WDFY4: variants seen among roughly 807,000 people sequenced by gnomAD.
The protein encoded by WDFY4 is WD repeat- and FYVE domain-containing protein 4.
A neutral mutation model predicts 351.9 loss-of-function variants in WDFY4; 169 were observed. The observed-to-expected ratio is 0.48, with a 90% CI of 0.42 to 0.55. The LOEUF (loss-of-function observed/expected upper bound fraction) is 0.55. Among genes scored for constraint, WDFY4 ranks in the 20% least tolerant of loss-of-function variants. The pLI is 0.00. For missense variants in WDFY4, 3,803 were observed against 3,935.6 expected (o/e 0.97, Z 0.90); for synonymous variants, 1,622 against 1,574.6 (o/e 1.03, Z -0.71).
At chr10:48,892,573 A>C (rs1156498505) in intron 44 of WDFY4, among the ~76,000 whole-genome samples, 1 of 152,232 alleles carries the variant, frequency 6.6e-6, no homozygotes, top group Middle Eastern at 3.2e-3. Flanking sequence ...GCATTCCTGG[A>C]GATGCAGTTC....
intron 47 of WDFY4, among the ~76,000 whole-genome samples, chr10:48,933,046 G>T (rs1840121401): frequency 6.6e-6 from 1 of 152,168 alleles, no homozygotes. Flanking sequence ...GGCAGGGAAG[G>T]AGAGTGATGG....
chr10:48,898,214 A>T (rs1837186356), intron 45 of WDFY4, among the ~76,000 whole-genome samples: 2 of 152,272 alleles, frequency 1.3e-5, no homozygotes, highest in South Asian at 4.1e-4. Flanking sequence ...CCCACTTCTC[A>T]TCCCACTTCA....
At chr10:48,769,383 A>T (rs975979939) in intron 13 of WDFY4, among the ~76,000 whole-genome samples, 5 of 152,240 alleles carry the variant, frequency 3.3e-5, no homozygotes, top group Non-Finnish European at 4.4e-5. Flanking sequence ...ATAACTTGTC[A>T]AGTAAAGCTC....
chr10:48,725,699 C>T (rs1487564465), intron 5 of WDFY4, among the ~76,000 whole-genome samples, 182 bp from the exon 6 acceptor site: 3 of 152,152 alleles, frequency 2.0e-5, no homozygotes, highest in Non-Finnish European at 4.4e-5. Context: ...CCAGGCCCTG[C>T]CACCCTTTCC....
chr10:48,982,913 T>C lies in WDFY4; in HGVS notation c.*338T>C, dbSNP rs972867268. 3 of 372,274 alleles carry C rather than the reference T, an allele frequency of 8.1e-6. No individual in the cohort carries two copies. Among genetic ancestry groups the C allele is most frequent in the Admixed American group, 3.7e-5 (1 of 27,360 alleles). The allele number at this position is 372,274 out of a possible 1,614,324, so 23.1% of individuals were successfully genotyped here. On this transcript the variant is annotated 3_prime_UTR_variant, in exon 62 of 62. Transcript: ENST00000325239. ...AAGATGGGTCGCTTACTGGAAATTATTGTATTGTCTTTATTTTATTAAAGC... is the reference window on the plus strand; with the variant it reads ...AAGATGGGTCGCTTACTGGAAATTACTGTATTGTCTTTATTTTATTAAAGC...
intron 51 of WDFY4, among the ~76,000 whole-genome samples, chr10:48,951,490 T>C (rs1040166175): frequency 6.6e-6 from 1 of 152,160 alleles, no homozygotes; most frequent in Non-Finnish European, 1.5e-5. Flanking sequence ...TCATAGTTCA[T>C]AGCAGCCTGG....
Position 48,953,333 on chromosome 10 carries a change from T to TCTCACACA in WDFY4, c.7978-3795_7978-3794insTCACACAC, listed in dbSNP as rs771339557. ...CTCTCTCTCTCTCTCTCTCTCTCTCTCACACACACACACACACACACACAC... is the reference window on the plus strand; with the variant it reads ...CTCTCTCTCTCTCTCTCTCTCTCTCTCTCACACACACACACACACACACACACACACAC... On this transcript the variant is annotated intron_variant, in intron 51 of 61. Coordinates refer to ENST00000325239, the MANE Select transcript of WDFY4 (RefSeq NM_001394531.1). Among the ~76,000 whole-genome samples, 1,088 of 128,116 alleles carry TCTCACACA rather than the reference T, an allele frequency of 8.5e-3. 5 individuals are homozygous for TCTCACACA. Among genetic ancestry groups the TCTCACACA allele is most frequent in the South Asian group, 0.016 (58 of 3,526 alleles). The allele number at this position is 128,116 out of a possible 152,430, so 84.0% of individuals were successfully genotyped here. A position where few individuals can be genotyped will look rare whatever the true frequency, so the allele number is the denominator to read the frequency against.
intron 19 of WDFY4, among the ~76,000 whole-genome samples, chr10:48,780,425 GCTT>G (rs1565189742): frequency 2.6e-5 from 4 of 152,210 alleles, no homozygotes; most frequent in African/African-American, 9.6e-5. Context: ...ACAAAGCAAA[GCTT>G]CTCATTTTGA....
At chr10:48,828,938 C>CGGGGGGGGGGGGGGG (rs747997061) in intron 37 of WDFY4, 42 bp downstream of exon 37, 1 of 105,812 alleles carries the variant, frequency 9.5e-6, no homozygotes, top group Non-Finnish European at 1.5e-5. Flanking sequence ...GGGGGGGGGG[C>CGGGGGGGGGGGGGGG]GGGGAGGGGG....
chr10:48,778,556 T>C, intron 17 of WDFY4, 55 bp from the exon 18 acceptor site: 2 of 1,512,006 alleles, frequency 1.3e-6, no homozygotes, highest in Admixed American at 2.0e-5. Flanking sequence ...AATCTGAACA[T>C]GCATGCTCAG....
At chr10:48,771,536 A>T (rs1178840684) in intron 13 of WDFY4, among the ~76,000 whole-genome samples, 3 of 152,234 alleles carry the variant, frequency 2.0e-5, no homozygotes, top group South Asian at 4.1e-4. Context: ...CTAAATACCC[A>T]GGAAATATTC....
chr10:48,981,458 G>A lies in WDFY4; in HGVS notation c.9468G>A (p.Val3156=). 6.4e-7 allele frequency: 1 copy of A among 1,551,672 alleles called. No individual in the cohort carries two copies. The highest frequency in any genetic ancestry group is 8.7e-7 in the Non-Finnish European group (1 of 1,146,980). The change falls in exon 61 of 62, where the codon GTG becomes GTA. Residue 3156 remains valine, a synonymous_variant. Coordinates refer to ENST00000325239, the MANE Select transcript of WDFY4 (RefSeq NM_001394531.1). ...AGCCCAGCAAAACCAGCCCCGCAGT[G>A]ACTGCTCTGGCCGTGTCCAGGTAAG... ...TGKPSKTSPA[V]TALAVSRNHT...
intron 23 of WDFY4, among the ~76,000 whole-genome samples, chr10:48,791,141 G>C (rs964054457): frequency 6.6e-6 from 1 of 152,234 alleles, no homozygotes; most frequent in African/African-American, 2.4e-5. Flanking sequence ...TCACCTGATT[G>C]TGGCTTCTGG....
At chr10:48,704,791 T>A (rs1024217844) in intron 1 of WDFY4, among the ~76,000 whole-genome samples, 1 of 152,212 alleles carries the variant, frequency 6.6e-6, no homozygotes, top group Non-Finnish European at 1.5e-5. Context: ...TGCTCCCACC[T>A]CAGTACCAGC....
chr10:48,850,816 G>A (rs1474753539), intron 39 of WDFY4, among the ~76,000 whole-genome samples: 2 of 152,154 alleles, frequency 1.3e-5, no homozygotes, highest in Non-Finnish European at 2.9e-5. Flanking sequence ...TCAAGCTTCT[G>A]CACATCTCTC....
At chr10:48,698,617 G>A (rs1746560568) in intron 1 of WDFY4, among the ~76,000 whole-genome samples, 1 of 152,196 alleles carries the variant, frequency 6.6e-6, no homozygotes, top group African/African-American at 2.4e-5. Context: ...CGGATTGAAG[G>A]TGTGGGGTTT....
chr10:48,955,829 G>A (rs907634532), intron 51 of WDFY4, among the ~76,000 whole-genome samples: 16 of 152,196 alleles, frequency 1.1e-4, no homozygotes, highest in Non-Finnish European at 8.8e-5. Context: ...CTCTGAGCAG[G>A]GAAGGGAGTG....
chr10:48,885,441 G>C (rs1263507437), intron 43 of WDFY4, among the ~76,000 whole-genome samples: 1 of 152,202 alleles, frequency 6.6e-6, no homozygotes. Context: ...CTTGTAACAT[G>C]TTTCACATTT....
intron 28 of WDFY4, among the ~76,000 whole-genome samples, chr10:48,808,796 G>A (rs1309008460): frequency 6.6e-6 from 1 of 152,216 alleles, no homozygotes; most frequent in Non-Finnish European, 1.5e-5. Flanking sequence ...AGGGAATGTA[G>A]TGCAGTGCCT....
Sources: gnomAD v4.1 joint callset for allele counts (sites outside exome capture counted in the v4.1 genomes callset) on GRCh38, gnomAD v4.1.1 for gene constraint, MANE v1.5 for transcripts, NCBI Gene and HGNC (gene_info 2026-07-23, HGNC 2026-07-21) for gene names.